Variants in GALNT13 observed in about 807,000 individuals in gnomAD.
GALNT13 encodes the protein polypeptide N-acetylgalactosaminyltransferase 13.
GALNT13 carries 28 observed loss-of-function variants against 64.2 expected under a neutral mutation model. The observed-to-expected ratio is 0.44, with a 90% CI of 0.32 to 0.60. The LOEUF is 0.60. GALNT13 is among the 20% of genes least tolerant of loss of function. The probability of loss-of-function intolerance (pLI) is 0.05; values close to 1 mark genes in which losing one functional copy is unlikely to be tolerated. For missense variants in GALNT13, 577 were observed against 669.8 expected, an observed-to-expected ratio of 0.86 and a Z score of 1.53; for synonymous variants, 214 against 224.6, an observed-to-expected ratio of 0.95 and a Z score of 0.42.
the GALNT13 span, among the ~76,000 whole-genome samples, chr2:153,504,844 T>C: frequency 6.6e-6 from 1 of 152,194 alleles, no homozygotes; most frequent in Admixed American, 6.5e-5. Flanking sequence ...TGTAGTTTTC[T>C]TTTCTTGTTA....
chr2:153,723,001 A>G, the GALNT13 span, among the ~76,000 whole-genome samples: 1 of 152,132 alleles, frequency 6.6e-6, no homozygotes, highest in East Asian at 1.9e-4. Context: ...GACACAACCA[A>G]AAGAGAGAAT....
chr2:153,340,621 C>T, the GALNT13 span, among the ~76,000 whole-genome samples: 9 of 150,150 alleles, frequency 6.0e-5, no homozygotes, highest in South Asian at 1.9e-3. Context: ...CACCAACGCA[C>T]TCCAGCCTGG....
At chr2:153,883,740 C>CA (rs971904731) in intron 1 of GALNT13, among the ~76,000 whole-genome samples, 1 of 151,096 alleles carries the variant, frequency 6.6e-6, no homozygotes, top group Non-Finnish European at 1.5e-5. Context: ...TTTAAAAAGA[C>CA]AAAAAATGTA....
intron 3 of GALNT13, among the ~76,000 whole-genome samples, chr2:153,950,573 A>G (rs1401350918): frequency 1.3e-5 from 2 of 152,106 alleles, no homozygotes; most frequent in African/African-American, 4.8e-5. Flanking sequence ...TTATAGTCAT[A>G]TACCCAAGAA....
chr2:154,438,531 C>T, intron 11 of GALNT13, 61 bp from the exon 12 acceptor site: 1 of 1,282,852 alleles, frequency 7.8e-7, no homozygotes, highest in Non-Finnish European at 1.1e-6. Context: ...CTGGATAGAT[C>T]TGCTCTATTG....
chr2:153,631,259 T>C, the GALNT13 span, among the ~76,000 whole-genome samples: 4 of 152,208 alleles, frequency 2.6e-5, no homozygotes, highest in African/African-American at 9.6e-5. Flanking sequence ...TGAATAATGC[T>C]GCAATAAACA....
chr2:154,010,841 T>C (rs1558905954), intron 3 of GALNT13, among the ~76,000 whole-genome samples: 1 of 152,052 alleles, frequency 6.6e-6, no homozygotes. Context: ...TGGAATATTA[T>C]ATATTTCTTA....
intron 9 of GALNT13, among the ~76,000 whole-genome samples, chr2:154,353,364 T>TA (rs1172524268): frequency 6.6e-6 from 1 of 152,134 alleles, no homozygotes; most frequent in Non-Finnish European, 1.5e-5. Flanking sequence ...GATAGTAAAA[T>TA]GGTTATTACA....
At chr2:154,090,264 A>G (rs1701740438) in intron 3 of GALNT13, among the ~76,000 whole-genome samples, 1 of 152,074 alleles carries the variant, frequency 6.6e-6, no homozygotes, top group African/African-American at 2.4e-5. Flanking sequence ...TATTTTCTGG[A>G]AATAGGTGAA....
intron 11 of GALNT13, among the ~76,000 whole-genome samples, chr2:154,424,611 C>A (rs1700393701): frequency 6.6e-6 from 1 of 152,106 alleles, no homozygotes; most frequent in Non-Finnish European, 1.5e-5. Context: ...CAAGCAAAAG[C>A]TGAGGGCAGA....
chr2:153,669,233 C>G, the GALNT13 span, among the ~76,000 whole-genome samples: 1 of 152,170 alleles, frequency 6.6e-6, no homozygotes, highest in East Asian at 1.9e-4. Flanking sequence ...TTAGCATGCA[C>G]TCATCCATGG....
intron 2 of GALNT13, among the ~76,000 whole-genome samples, chr2:153,929,296 G>A (rs1264114749): frequency 2.0e-5 from 3 of 152,052 alleles, no homozygotes; most frequent in Non-Finnish European, 2.9e-5. Context: ...TGCTATCCCC[G>A]GCCTTATCCC....
chr2:154,036,633 C>T (rs771151682), intron 3 of GALNT13, among the ~76,000 whole-genome samples: 111 of 152,164 alleles, frequency 7.3e-4, no homozygotes, highest in Non-Finnish European at 1.3e-3. Context: ...CTTTTTTACA[C>T]GTTATTTTTT....
the GALNT13 span, among the ~76,000 whole-genome samples, chr2:153,849,975 C>G: frequency 7.8e-6 from 1 of 127,888 alleles, no homozygotes; most frequent in Non-Finnish European, 1.6e-5. Context: ...TCCTGGCTAA[C>G]GCGGTGAAAC....
the GALNT13 span, chr2:153,159,291 T>A: frequency 6.6e-6 from 1 of 152,206 alleles, no homozygotes; most frequent in African/African-American, 2.4e-5. Context: ...ATATGGTGCC[T>A]CTGTTGGAGA....
the GALNT13 span, among the ~76,000 whole-genome samples, chr2:153,746,921 A>G: frequency 2.6e-5 from 4 of 151,874 alleles, no homozygotes; most frequent in Non-Finnish European, 4.4e-5. Flanking sequence ...GCTTTTGTTC[A>G]TTTTTGTGTT....
the GALNT13 span, among the ~76,000 whole-genome samples, chr2:153,848,755 A>G: frequency 1.3e-5 from 2 of 152,122 alleles, no homozygotes; most frequent in East Asian, 1.9e-4. Flanking sequence ...TGGAGACAAG[A>G]CAAAATAGGC....
At chr2:154,382,495 C>G (rs977940285) in intron 9 of GALNT13, among the ~76,000 whole-genome samples, 4 of 152,004 alleles carry the variant, frequency 2.6e-5, no homozygotes, top group African/African-American at 9.7e-5. Context: ...TTTGACATGA[C>G]CAGTGCTAGA....
intron 9 of GALNT13, among the ~76,000 whole-genome samples, chr2:154,367,105 A>G (rs967791057): frequency 1.3e-5 from 2 of 152,206 alleles, no homozygotes; most frequent in Admixed American, 1.3e-4. Context: ...AACAGAGTAA[A>G]AATAGAATTC....
Sources: gnomAD v4.1 joint callset for allele counts (sites outside exome capture counted in the v4.1 genomes callset) on GRCh38, gnomAD v4.1.1 for gene constraint, MANE v1.5 for transcripts, NCBI Gene and HGNC (gene_info 2026-07-23, HGNC 2026-07-21) for gene names.